The following CCDC60 variants were observed in gnomAD, a reference collection of about 807,000 sequenced individuals.
CCDC60 encodes coiled-coil domain containing 60.
CCDC60 carries 54 observed loss-of-function variants against 63.5 expected under a neutral mutation model. The ratio of observed to expected loss-of-function variants is 0.85; its 90% confidence interval spans 0.68 to 1.07. The LOEUF (loss-of-function observed/expected upper bound fraction) is 1.07. Among genes scored for constraint, CCDC60 ranks in the 50% least tolerant of loss-of-function variants. The pLI, the probability that CCDC60 is intolerant of heterozygous loss-of-function variation, is 0.00. For missense variants in CCDC60, 651 were observed against 684.3 expected (o/e 0.95, Z 0.54); for synonymous variants, 206 against 238.8 (o/e 0.86, Z 1.27).
At chr12:119,518,888 A>G (rs1004619472) in intron 8 of CCDC60, among the ~76,000 whole-genome samples, 9 of 152,074 alleles carry the variant, frequency 5.9e-5, no homozygotes, top group African/African-American at 2.2e-4. Flanking sequence ...ACCACTCTAG[A>G]CCCTGGCTCT....
intron 1 of CCDC60, among the ~76,000 whole-genome samples, chr12:119,390,207 A>G (rs1956132227): frequency 6.6e-6 from 1 of 152,144 alleles, no homozygotes. Flanking sequence ...CCTGCCGCCC[A>G]GAACATTCCC....
chr12:119,405,949 A>C (rs935639696), intron 1 of CCDC60, among the ~76,000 whole-genome samples: 11 of 152,202 alleles, frequency 7.2e-5, no homozygotes, highest in Admixed American at 7.2e-4. Flanking sequence ...AGGCAGGCGG[A>C]TCCCCAGAGA....
chr12:119,492,308 C>T (rs989544430), intron 5 of CCDC60, among the ~76,000 whole-genome samples: 1 of 152,070 alleles, frequency 6.6e-6, no homozygotes, highest in African/African-American at 2.4e-5. Flanking sequence ...ATACTCCCAC[C>T]GTGGCTGATT....
chr12:119,491,324 T>A (rs903945732), intron 5 of CCDC60, among the ~76,000 whole-genome samples: 18 of 152,108 alleles, frequency 1.2e-4, no homozygotes, highest in African/African-American at 3.9e-4. Context: ...TTTGTTTGTT[T>A]GTTTGTTTTT....
chr12:119,512,088 C>T (rs1307618385), intron 7 of CCDC60, among the ~76,000 whole-genome samples: 4 of 152,260 alleles, frequency 2.6e-5, no homozygotes, highest in Admixed American at 2.0e-4. Context: ...GCATTCTTTC[C>T]CTAGCACCCA....
At chr12:119,483,264 C>A (rs1377795481) in intron 4 of CCDC60, among the ~76,000 whole-genome samples, 1 of 152,238 alleles carries the variant, frequency 6.6e-6, no homozygotes, top group African/African-American at 2.4e-5. Flanking sequence ...AGGGCTGGCC[C>A]TGCCTGATAA....
At chr12:119,449,748 C>G (rs916200359) in intron 2 of CCDC60, among the ~76,000 whole-genome samples, 1 of 152,020 alleles carries the variant, frequency 6.6e-6, no homozygotes, top group African/African-American at 2.4e-5. Flanking sequence ...CATGGCCAGA[C>G]AGGTCAATCA....
intron 7 of CCDC60, among the ~76,000 whole-genome samples, chr12:119,514,484 T>C (rs1160875400): frequency 6.6e-6 from 1 of 151,958 alleles, no homozygotes; most frequent in Non-Finnish European, 1.5e-5. Context: ...CCACCGCATC[T>C]GCCCTTAGTT....
At chr12:119,354,567 C>A (rs544603445) in intron 1 of CCDC60, among the ~76,000 whole-genome samples, 19 of 152,282 alleles carry the variant, frequency 1.2e-4, no homozygotes, top group Admixed American at 3.3e-4. Flanking sequence ...GAAGGTTCAC[C>A]TTTCTGCTTT....
At chr12:119,534,357 G>T (rs941733257) in intron 13 of CCDC60, among the ~76,000 whole-genome samples, 1 of 152,132 alleles carries the variant, frequency 6.6e-6, no homozygotes, top group Non-Finnish European at 1.5e-5. Flanking sequence ...CATGTCATCT[G>T]CAAATAGGGA....
rs556884271 is a variant in CCDC60 at position 119,513,906 on chromosome 12, T to G, written c.884-2717T>G. On this transcript the variant is annotated intron_variant, in intron 7 of 13. Transcript: ENST00000327554. ...TACTGGTTTATATAAGTACTACACT[T>G]TATTTTCTATTGTAATTTTAGAGTG... Among the ~76,000 whole-genome samples the G allele has an allele frequency of 1.3e-4, 20 of 152,298 alleles. No homozygotes were observed. The South Asian group carries it at 4.1e-3, about 32-fold the overall frequency.
chr12:119,355,118 A>C (rs1415580782), intron 1 of CCDC60, among the ~76,000 whole-genome samples: 1 of 152,208 alleles, frequency 6.6e-6, no homozygotes, highest in African/African-American at 2.4e-5. Context: ...AAATGGAGAT[A>C]AAGACAGTGC....
chr12:119,400,416 G>C (rs941535167), intron 1 of CCDC60, among the ~76,000 whole-genome samples: 3 of 152,222 alleles, frequency 2.0e-5, no homozygotes, highest in African/African-American at 7.2e-5. Flanking sequence ...ATAATTGATG[G>C]AGACGAGTAA....
chr12:119,368,052 C>T (rs963175101), intron 1 of CCDC60, among the ~76,000 whole-genome samples: 5 of 126,098 alleles, frequency 4.0e-5, no homozygotes, highest in Admixed American at 1.9e-4. Flanking sequence ...ATCTGTTTTT[C>T]TGAAGAAAAA....
intron 1 of CCDC60, among the ~76,000 whole-genome samples, chr12:119,425,541 G>A (rs756086025): frequency 1.3e-5 from 2 of 152,144 alleles, no homozygotes; most frequent in African/African-American, 4.8e-5. Flanking sequence ...AATAATAAAG[G>A]AAATGTTCAT....
At chr12:119,387,278 C>T (rs530064027) in intron 1 of CCDC60, among the ~76,000 whole-genome samples, 2 of 152,190 alleles carry the variant, frequency 1.3e-5, no homozygotes, top group Non-Finnish European at 2.9e-5. Flanking sequence ...CCCCAGGAAA[C>T]CTGAAATATT....
chr12:119,455,655 G>A (rs887912020), intron 2 of CCDC60, among the ~76,000 whole-genome samples: 4 of 151,886 alleles, frequency 2.6e-5, no homozygotes, highest in Non-Finnish European at 5.9e-5. Flanking sequence ...TTGAGCTCAG[G>A]AGTTTGAGGC....
intron 1 of CCDC60, among the ~76,000 whole-genome samples, chr12:119,397,326 A>G (rs1956276197): frequency 6.6e-6 from 1 of 152,028 alleles, no homozygotes; most frequent in African/African-American, 2.4e-5. Context: ...ATCTGGCCCT[A>G]CCCACACCCT....
chr12:119,364,419 C>CT (rs750189344), intron 1 of CCDC60, among the ~76,000 whole-genome samples: 14 of 152,266 alleles, frequency 9.2e-5, no homozygotes, highest in Non-Finnish European at 1.6e-4. Context: ...CATCTATACT[C>CT]TATCACTATA....
Sources: gnomAD v4.1 joint callset for allele counts (sites outside exome capture counted in the v4.1 genomes callset) on GRCh38, gnomAD v4.1.1 for gene constraint, MANE v1.5 for transcripts, NCBI Gene and HGNC (gene_info 2026-07-23, HGNC 2026-07-21) for gene names.